The following DGKB variants were observed in gnomAD, a reference collection of about 807,000 sequenced individuals.
DGKB encodes the protein 90 kDa diacylglycerol kinase.
In DGKB, 67 loss-of-function variants were observed where a neutral mutation model predicts 114.3. The ratio of observed to expected loss-of-function variants is 0.59; its 90% confidence interval spans 0.48 to 0.72. The LOEUF (loss-of-function observed/expected upper bound fraction) is 0.72, where lower values mean the gene tolerates loss of function less well. Among genes scored for constraint, DGKB ranks in the 30% least tolerant of loss-of-function variants. DGKB has a pLI of 0.00. For synonymous variants in DGKB, 398 were observed against 323.1 expected (o/e 1.23, Z -2.49); for missense variants, 907 against 975.2 (o/e 0.93, Z 0.93).
intron 25 of DGKB, among the ~76,000 whole-genome samples, chr7:14,169,858 G>C (rs537070985): frequency 2.6e-5 from 4 of 152,188 alleles, no homozygotes; most frequent in African/African-American, 9.6e-5. Flanking sequence ...AAGGCAGCCA[G>C]GTGCCATGGC....
intron 13 of DGKB, among the ~76,000 whole-genome samples, chr7:14,654,254 G>T (rs1322362051): frequency 1.3e-5 from 2 of 151,952 alleles, no homozygotes; most frequent in Non-Finnish European, 2.9e-5. Flanking sequence ...CAAGCTAGCT[G>T]AAAAGGAACT....
At chr7:14,802,212 A>G (rs889497440) in intron 2 of DGKB, among the ~76,000 whole-genome samples, 1 of 152,158 alleles carries the variant, frequency 6.6e-6, no homozygotes, top group African/African-American at 2.4e-5. Flanking sequence ...TTAATTTCCA[A>G]TGATTCCAAT....
chr7:14,696,429 A>C (rs998109981), intron 8 of DGKB, among the ~76,000 whole-genome samples: 4 of 133,396 alleles, frequency 3.0e-5, no homozygotes, highest in African/African-American at 1.1e-4. Context: ...CGGGAGGCGG[A>C]GCTTGCAGTG....
intron 1 of DGKB, among the ~76,000 whole-genome samples, chr7:14,915,652 A>C (rs2128245171): frequency 6.6e-6 from 1 of 152,294 alleles, no homozygotes; most frequent in Admixed American, 6.5e-5. Context: ...GCAAGAAGAA[A>C]GTGGAGACAA....
At position 14,920,760 on chromosome 7, in the gene DGKB, A is replaced by G. The variant is rs554142030; in HGVS notation, c.-188+53936T>C. Among the ~76,000 whole-genome samples, 223 of 152,318 alleles carry G rather than the reference A, an allele frequency of 1.5e-3. 2 individuals carry two copies. The highest frequency in any genetic ancestry group is 5.3e-3 in the African/African-American group (220 of 41,572). Reference sequence around the variant, plus strand: ...GAAAGCAACCAAGATGTTTTTCAACAGAGGAAAAGATAAGTAAACTAGGGT... The same window carrying G: ...GAAAGCAACCAAGATGTTTTTCAACGGAGGAAAAGATAAGTAAACTAGGGT... On this transcript the variant is annotated intron_variant, in intron 1 of 4. Transcript: ENST00000437998.
At chr7:14,602,083 C>A (rs1803651230) in intron 17 of DGKB, among the ~76,000 whole-genome samples, 1 of 152,070 alleles carries the variant, frequency 6.6e-6, no homozygotes, top group African/African-American at 2.4e-5. Context: ...CTCCTTAGTA[C>A]CAATTCTGTC....
upstream of DGKB, chr7:14,903,270 T>C: frequency 7.3e-6 from 1 of 136,088 alleles, no homozygotes; most frequent in Non-Finnish European, 1.6e-5. Context: ...AGGAGGCGAT[T>C]TGCGCGGCTG....
intron 1 of DGKB, among the ~76,000 whole-genome samples, chr7:14,892,872 G>GTGTGTA (rs1781478884): frequency 6.7e-6 from 1 of 150,296 alleles, no homozygotes; most frequent in Non-Finnish European, 1.5e-5. Flanking sequence ...ATATGTGTGT[G>GTGTGTA]TGTGTGTGTG....
chr7:14,383,448 C>G (rs1218607834), intron 21 of DGKB, among the ~76,000 whole-genome samples: 3 of 152,138 alleles, frequency 2.0e-5, no homozygotes, highest in African/African-American at 7.2e-5. Context: ...TTAAAGAAAA[C>G]AGACGTCTAT....
intron 1 of DGKB, among the ~76,000 whole-genome samples, chr7:14,967,432 T>A (rs79605353): frequency 0.13 from 19,655 of 151,912 alleles, 2,022 homozygotes; most frequent in East Asian, 0.58. Context: ...GCAATTCTCC[T>A]GCCTCAGCCT....
At chr7:14,207,962 T>C (rs1226448210) in intron 23 of DGKB, among the ~76,000 whole-genome samples, 2 of 152,030 alleles carry the variant, frequency 1.3e-5, no homozygotes, top group Non-Finnish European at 2.9e-5. Context: ...CAGAACTTTG[T>C]AGATGAACTT....
chr7:14,946,757 T>C (rs1785905435), intron 1 of DGKB, among the ~76,000 whole-genome samples: 2 of 151,772 alleles, frequency 1.3e-5, no homozygotes, highest in African/African-American at 2.4e-5. Flanking sequence ...TCTGAAAGTG[T>C]AGTTTTAAGC....
chr7:14,215,517 A>G (rs1788810446), intron 23 of DGKB, among the ~76,000 whole-genome samples: 1 of 152,174 alleles, frequency 6.6e-6, no homozygotes, highest in Admixed American at 6.6e-5. Flanking sequence ...AATAATAGTA[A>G]AAATAACCAC....
chr7:14,971,460 C>G (rs1482157420), intron 1 of DGKB, among the ~76,000 whole-genome samples: 3 of 152,038 alleles, frequency 2.0e-5, no homozygotes, highest in Non-Finnish European at 2.9e-5. Context: ...TCTGTGTGAA[C>G]ATTAAATACA....
At chr7:14,720,101 C>T (rs1337277940) in intron 5 of DGKB, among the ~76,000 whole-genome samples, 1 of 139,192 alleles carries the variant, frequency 7.2e-6, no homozygotes, top group Non-Finnish European at 1.6e-5. Context: ...CACACGCACG[C>T]ACGCACACAC....
At chr7:14,556,036 G>T (rs1037569961) in intron 20 of DGKB, among the ~76,000 whole-genome samples, 1 of 152,104 alleles carries the variant, frequency 6.6e-6, no homozygotes, top group African/African-American at 2.4e-5. Context: ...AGTGAAATTA[G>T]TAATTTTTCT....
chr7:14,215,245 A>C (rs986271062), intron 23 of DGKB, among the ~76,000 whole-genome samples: 4 of 152,158 alleles, frequency 2.6e-5, no homozygotes, highest in Non-Finnish European at 5.9e-5. Context: ...TCCCATAAGA[A>C]AGGAACCTGT....
At chr7:14,428,441 TG>T (rs1404693118) in intron 21 of DGKB, among the ~76,000 whole-genome samples, 1 of 152,168 alleles carries the variant, frequency 6.6e-6, no homozygotes, top group Non-Finnish European at 1.5e-5. Flanking sequence ...CGAGGTTGTT[TG>T]GGGGTATGAG....
intron 1 of DGKB, among the ~76,000 whole-genome samples, chr7:14,937,074 AT>A (rs1347550946): frequency 9.6e-6 from 1 of 104,428 alleles, no homozygotes. Flanking sequence ...ACACACACAC[AT>A]CTTTTGTTAA....
Sources: gnomAD v4.1 joint callset for allele counts (sites outside exome capture counted in the v4.1 genomes callset) on GRCh38, gnomAD v4.1.1 for gene constraint, MANE v1.5 for transcripts, NCBI Gene and HGNC (gene_info 2026-07-23, HGNC 2026-07-21) for gene names.